DGKI: variants seen among roughly 807,000 people sequenced by gnomAD.
DGKI encodes diacylglycerol kinase iota, also known as DAG kinase iota.
In DGKI, 55 loss-of-function variants were observed where a neutral mutation model predicts 147.5. That is an observed-to-expected ratio of 0.37 (90% CI 0.30 to 0.47). The LOEUF is 0.47. DGKI is among the 20% of genes least tolerant of loss of function. DGKI has a pLI of 1.00. For synonymous variants in DGKI, 469 were observed against 477.1 expected, an observed-to-expected ratio of 0.98 and a Z score of 0.22; for missense variants, 1,007 against 1,323.8, an observed-to-expected ratio of 0.76 and a Z score of 3.71.
At chr7:137,615,689 G>T (rs1262366519) in intron 8 of DGKI, among the ~76,000 whole-genome samples, 2 of 147,608 alleles carry the variant, frequency 1.4e-5, no homozygotes, top group East Asian at 4.0e-4. Context: ...CCAAATCATG[G>T]CTAAAACTTG....
At chr7:137,806,435 GCTT>G (rs1172807763) in intron 1 of DGKI, among the ~76,000 whole-genome samples, 1 of 151,844 alleles carries the variant, frequency 6.6e-6, no homozygotes, top group Non-Finnish European at 1.5e-5. Context: ...CTGAACCTTT[GCTT>G]CTTTTTTTTT....
chr7:137,464,865 G>T (rs896745934), intron 26 of DGKI, among the ~76,000 whole-genome samples: 1 of 152,214 alleles, frequency 6.6e-6, no homozygotes, highest in Non-Finnish European at 1.5e-5. Context: ...GGCACATTGT[G>T]TATGGTTTCT....
chr7:137,788,697 A>T (rs1254649411), intron 1 of DGKI, among the ~76,000 whole-genome samples: 3 of 149,978 alleles, frequency 2.0e-5, no homozygotes, highest in African/African-American at 7.4e-5. Context: ...TCCCCCTGCC[A>T]TACACACACA....
At chr7:137,407,736 C>A in intron 30 of DGKI, 139 bp downstream of exon 30, 1 of 1,085,762 alleles carries the variant, frequency 9.2e-7, no homozygotes, top group South Asian at 1.5e-5. Context: ...CTCAAATAAG[C>A]AGGGGCAGAG....
intron 23 of DGKI, 98 bp downstream of exon 23, chr7:137,485,276 G>C: frequency 1.1e-6 from 1 of 908,126 alleles, no homozygotes; most frequent in Non-Finnish European, 1.7e-6. Context: ...TCTATCCCTA[G>C]GGAAGATGTG....
chr7:137,837,575 G>A (rs374044008), intron 1 of DGKI, among the ~76,000 whole-genome samples: 1 of 152,182 alleles, frequency 6.6e-6, no homozygotes, highest in Non-Finnish European at 1.5e-5. Flanking sequence ...CAGTCACAAG[G>A]GTGGGGCGCT....
chr7:137,394,984 T>C (rs192857932), intron 32 of DGKI, among the ~76,000 whole-genome samples: 1 of 152,300 alleles, frequency 6.6e-6, no homozygotes, highest in Non-Finnish European at 1.5e-5. Context: ...CCTATACCTA[T>C]AAATGACAGT....
chr7:137,756,988 T>C (rs1383686125), intron 1 of DGKI, among the ~76,000 whole-genome samples: 2 of 152,220 alleles, frequency 1.3e-5, no homozygotes, highest in Admixed American at 1.3e-4. Context: ...TATAACTGTT[T>C]GGTTATATTT....
chr7:137,754,082 T>TG (rs1795602695), intron 1 of DGKI, among the ~76,000 whole-genome samples: 1 of 151,806 alleles, frequency 6.6e-6, no homozygotes, highest in Non-Finnish European at 1.5e-5. Context: ...AGAGGGGTCA[T>TG]GGGGGGTTAT....
intron 19 of DGKI, among the ~76,000 whole-genome samples, chr7:137,570,471 A>G (rs1818754661): frequency 1.3e-5 from 2 of 152,240 alleles, no homozygotes; most frequent in Admixed American, 6.5e-5. Context: ...ACTCATAAGT[A>G]AGACGGATAT....
intron 28 of DGKI, among the ~76,000 whole-genome samples, chr7:137,436,717 A>T (rs1290332181): frequency 1.3e-5 from 2 of 152,202 alleles, no homozygotes; most frequent in Admixed American, 6.5e-5. Context: ...ATTAAAGACT[A>T]ATCACACTTA....
At chr7:137,467,120 T>C (rs898090765) in intron 24 of DGKI, among the ~76,000 whole-genome samples, 178 bp from the exon 25 acceptor site, 1 of 152,202 alleles carries the variant, frequency 6.6e-6, no homozygotes, top group Non-Finnish European at 1.5e-5. Flanking sequence ...CCACTGCTAT[T>C]CTAAGGCTTG....
intron 27 of DGKI, among the ~76,000 whole-genome samples, chr7:137,445,244 A>G (rs185725747): frequency 4.6e-5 from 7 of 152,348 alleles, no homozygotes; most frequent in Admixed American, 3.3e-4. Flanking sequence ...AGTGAACAGT[A>G]AAGAATAAAG....
intron 26 of DGKI, among the ~76,000 whole-genome samples, chr7:137,464,988 T>C (rs1427079831): frequency 6.6e-6 from 1 of 152,222 alleles, no homozygotes; most frequent in Admixed American, 6.5e-5. Context: ...CCCCAAGTGC[T>C]TACACTAGGA....
intron 27 of DGKI, among the ~76,000 whole-genome samples, chr7:137,452,056 C>T (rs1363218039): frequency 3.9e-5 from 6 of 152,144 alleles, no homozygotes; most frequent in Admixed American, 3.9e-4. Flanking sequence ...GGGACTCTTA[C>T]TTTCTGTAAA....
At chr7:137,842,619 G>A (rs1325494864) in intron 1 of DGKI, among the ~76,000 whole-genome samples, 1 of 152,032 alleles carries the variant, frequency 6.6e-6, no homozygotes, top group Non-Finnish European at 1.5e-5. Flanking sequence ...GCTCTTCATT[G>A]GACCTAGGTT....
At chr7:137,654,658 G>T (rs1585333334) in intron 5 of DGKI, 74 bp downstream of exon 5, 1 of 1,085,320 alleles carries the variant, frequency 9.2e-7, no homozygotes, top group Non-Finnish European at 1.4e-6. Flanking sequence ...TTATTCCCTG[G>T]TGAATATCTA....
Position 137,744,767 on chromosome 7 carries a change from A to T in DGKI, c.402-54765T>A, listed in dbSNP as rs564162388. Reference sequence around the variant, plus strand: ...TGAAAATTAATAAGCGTGATTTACCACATAAATAGAATTAAAAACAAAACC... The same window carrying T: ...TGAAAATTAATAAGCGTGATTTACCTCATAAATAGAATTAAAAACAAAACC... On this transcript the variant is annotated intron_variant, in intron 1 of 32. Coordinates refer to ENST00000614521, the MANE Select transcript of DGKI (RefSeq NM_001321708.2). 5.9e-5 allele frequency among the ~76,000 whole-genome samples: 9 copies of T among 152,342 alleles called. 1 individual carries two copies. In the South Asian group the frequency reaches 1.9e-3, roughly 32 times the overall value.
chr7:137,549,937 C>T (rs834054), intron 20 of DGKI, among the ~76,000 whole-genome samples: 16,658 of 152,030 alleles, frequency 0.11, 2,051 homozygotes, highest in African/African-American at 0.3. Flanking sequence ...ATGTGCTATC[C>T]GTATTGATTT....
Sources: gnomAD v4.1 joint callset for allele counts (sites outside exome capture counted in the v4.1 genomes callset) on GRCh38, gnomAD v4.1.1 for gene constraint, MANE v1.5 for transcripts, NCBI Gene and HGNC (gene_info 2026-07-23, HGNC 2026-07-21) for gene names.